The following CTNNA3 variants were observed in gnomAD, a reference collection of about 807,000 sequenced individuals.
CTNNA3 encodes catenin alpha-3.
CTNNA3 carries 76 observed loss-of-function variants against 95.7 expected under a neutral mutation model. The ratio of observed to expected loss-of-function variants is 0.79; its 90% CI spans 0.66 to 0.96. The LOEUF is 0.96. Among genes scored for constraint, CTNNA3 ranks in the 40% least tolerant of loss-of-function variants. The pLI is 0.00. For synonymous variants in CTNNA3, 431 were observed against 374.4 expected (o/e 1.15, Z -1.74); for missense variants, 1,191 against 1,089.8 (o/e 1.09, Z -1.31).
intron 5 of CTNNA3, among the ~76,000 whole-genome samples, chr10:67,358,727 G>A (rs1350945624): frequency 6.6e-6 from 1 of 152,124 alleles, no homozygotes; most frequent in Non-Finnish European, 1.5e-5. Flanking sequence ...TGGGTCGTCA[G>A]AGAGTTGTAA....
intron 5 of CTNNA3, among the ~76,000 whole-genome samples, chr10:67,383,353 T>C (rs936054972): frequency 6.6e-5 from 10 of 152,200 alleles, no homozygotes; most frequent in African/African-American, 2.4e-4. Flanking sequence ...TAATGCTATT[T>C]AATCTTCACA....
At position 67,645,940 on chromosome 10, in the gene CTNNA3, CAT is replaced by C. The variant is rs34633436; in HGVS notation, c.99+1473_99+1474del. The stretch of plus-strand genomic sequence containing the variant: ...CACTTGTTAATATATATATATTCTT[CAT>C]ATATATATATATAATATATATACGT... On this transcript the variant is annotated intron_variant, in intron 2 of 17. Transcript: ENST00000433211. 4.1e-3 allele frequency among the ~76,000 whole-genome samples: 593 copies of C among 145,690 alleles called. 6 individuals are homozygous for C. The highest frequency in any genetic ancestry group is 0.014 in the African/African-American group (547 of 40,038).
At chr10:66,549,905 A>G (rs575613932) in intron 10 of CTNNA3, among the ~76,000 whole-genome samples, 1 of 152,282 alleles carries the variant, frequency 6.6e-6, no homozygotes, top group East Asian at 1.9e-4. Context: ...AATTTGGTTT[A>G]TGCACTATGC....
chr10:66,847,405 A>G (rs1040377765), intron 7 of CTNNA3, among the ~76,000 whole-genome samples: 1 of 152,192 alleles, frequency 6.6e-6, no homozygotes, highest in Admixed American at 6.5e-5. Context: ...ATCTTAATTT[A>G]TGTCAGTCAA....
chr10:67,279,215 CAT>C (rs1260477697), intron 5 of CTNNA3, among the ~76,000 whole-genome samples: 1 of 152,110 alleles, frequency 6.6e-6, no homozygotes, highest in Non-Finnish European at 1.5e-5. Context: ...ACTAAGGACA[CAT>C]AACAATTAAC....
At chr10:66,404,587 T>G (rs1040179687) in intron 11 of CTNNA3, among the ~76,000 whole-genome samples, 8 of 152,162 alleles carry the variant, frequency 5.3e-5, no homozygotes, top group Admixed American at 4.6e-4. Flanking sequence ...ATAATAAGTA[T>G]AAAAGTAACA....
At chr10:66,673,806 T>C (rs1238805224) in intron 9 of CTNNA3, among the ~76,000 whole-genome samples, 1 of 152,064 alleles carries the variant, frequency 6.6e-6, no homozygotes, top group Non-Finnish European at 1.5e-5. Context: ...TTATTTTTGC[T>C]TGTATCAAGA....
At chr10:66,572,377 G>C (rs942635893) in intron 10 of CTNNA3, among the ~76,000 whole-genome samples, 6 of 83,620 alleles carry the variant, frequency 7.2e-5, no homozygotes, top group African/African-American at 1.9e-4. Context: ...AGGAGACTCT[G>C]TCTTAAAAAA....
At chr10:66,438,245 T>C (rs562000341) in intron 11 of CTNNA3, among the ~76,000 whole-genome samples, 1 of 152,222 alleles carries the variant, frequency 6.6e-6, no homozygotes, top group Non-Finnish European at 1.5e-5. Flanking sequence ...GATCCACTGC[T>C]GTCTTCAGAG....
At chr10:66,093,883 T>C (rs981080697) in intron 14 of CTNNA3, among the ~76,000 whole-genome samples, 1 of 152,152 alleles carries the variant, frequency 6.6e-6, no homozygotes, top group African/African-American at 2.4e-5. Context: ...CTTTCCTATA[T>C]GACGTGATTC....
At chr10:67,169,172 T>C (rs1246565543) in intron 7 of CTNNA3, among the ~76,000 whole-genome samples, 3 of 152,188 alleles carry the variant, frequency 2.0e-5, no homozygotes, top group Admixed American at 6.5e-5. Context: ...CCAATGCTCA[T>C]AGATAGGAAG....
At chr10:67,265,759 A>G (rs2132402966) in intron 5 of CTNNA3, among the ~76,000 whole-genome samples, 1 of 152,312 alleles carries the variant, frequency 6.6e-6, no homozygotes, top group Non-Finnish European at 1.5e-5. Flanking sequence ...CCTCCTCCTC[A>G]GCCTCTATCT....
intron 4 of CTNNA3, among the ~76,000 whole-genome samples, chr10:67,528,319 A>C (rs1840211440): frequency 6.6e-6 from 1 of 152,018 alleles, no homozygotes; most frequent in Non-Finnish European, 1.5e-5. Context: ...TCCCCTCATC[A>C]TTACCCTGCT....
At chr10:66,047,061 C>A (rs1188165900) in intron 15 of CTNNA3, among the ~76,000 whole-genome samples, 1 of 152,112 alleles carries the variant, frequency 6.6e-6, no homozygotes. Flanking sequence ...CAAAGAAGAG[C>A]TGGTACCATT....
intron 11 of CTNNA3, among the ~76,000 whole-genome samples, chr10:66,469,132 A>G (rs1839036721): frequency 6.6e-6 from 1 of 151,988 alleles, no homozygotes; most frequent in Non-Finnish European, 1.5e-5. Flanking sequence ...CACAGGGAGT[A>G]CAATGGTGAA....
intron 17 of CTNNA3, among the ~76,000 whole-genome samples, chr10:65,938,926 G>A (rs546704910): frequency 6.6e-6 from 1 of 151,090 alleles, no homozygotes; most frequent in South Asian, 2.1e-4. Flanking sequence ...CTTTTTAGAC[G>A]GAGTCTCGCT....
intron 13 of CTNNA3, among the ~76,000 whole-genome samples, chr10:66,208,058 A>G (rs1279400019): frequency 6.6e-6 from 1 of 152,098 alleles, no homozygotes; most frequent in African/African-American, 2.4e-5. Context: ...GAAAATGTGA[A>G]GAAAGAATAT....
At chr10:66,769,196 A>C (rs60062247) in intron 8 of CTNNA3, among the ~76,000 whole-genome samples, 1 of 152,208 alleles carries the variant, frequency 6.6e-6, no homozygotes, top group African/African-American at 2.4e-5. Context: ...CAGGTGAAAA[A>C]GAACTATTGT....
At chr10:66,385,818 TAAAC>T (rs930041534) in intron 11 of CTNNA3, among the ~76,000 whole-genome samples, 2 of 152,046 alleles carry the variant, frequency 1.3e-5, no homozygotes, top group African/African-American at 2.4e-5. Context: ...ATCCATCACA[TAAAC>T]AAAATCAACA....
Sources: gnomAD v4.1 joint callset for allele counts (sites outside exome capture counted in the v4.1 genomes callset) on GRCh38, gnomAD v4.1.1 for gene constraint, MANE v1.5 for transcripts, NCBI Gene and HGNC (gene_info 2026-07-23, HGNC 2026-07-21) for gene names.